IHO1: variants seen among roughly 807,000 people sequenced by gnomAD.
The protein encoded by IHO1 is interactor of HORMAD1 protein 1.
A neutral mutation model predicts 31.0 loss-of-function variants in IHO1; 13 were observed. The ratio of observed to expected loss-of-function variants is 0.42; its 90% CI spans 0.27 to 0.67. The LOEUF (loss-of-function observed/expected upper bound fraction) is 0.67, where lower values mean the gene tolerates loss of function less well. IHO1 is among the 30% of genes least tolerant of loss of function. The pLI, the probability that IHO1 is intolerant of heterozygous loss-of-function variation, is 0.24. For missense variants in IHO1, 599 were observed against 687.5 expected, an observed-to-expected ratio of 0.87 and a Z score of 1.44; for synonymous variants, 221 against 248.4, an observed-to-expected ratio of 0.89 and a Z score of 1.04.
At chr3:49,192,663 G>A in the IHO1 span, among the ~76,000 whole-genome samples, 91,444 of 151,980 alleles carry the variant, frequency 0.6, 28,883 homozygotes, top group East Asian at 0.95. Flanking sequence ...TTGGGAGGCC[G>A]AGGTGGGCAA....
chr3:49,202,109 C>T (rs922008202), intron 1 of IHO1, among the ~76,000 whole-genome samples: 4 of 151,874 alleles, frequency 2.6e-5, no homozygotes, highest in South Asian at 2.1e-4. Context: ...AATTATTGTC[C>T]TCAAAAGAGC....
the IHO1 span, chr3:49,191,810 T>G: frequency 2.1e-4 from 326 of 1,536,754 alleles, 1 homozygote; most frequent in East Asian, 6.5e-3. Context: ...ACTTTCCTCT[T>G]GTCTTTTGGA....
At chr3:49,226,697 A>C (rs2107706667) in intron 2 of IHO1, among the ~76,000 whole-genome samples, 1 of 152,318 alleles carries the variant, frequency 6.6e-6, no homozygotes, top group African/African-American at 2.4e-5. Flanking sequence ...CTGCAGCTAA[A>C]GCCGCATTCT....
upstream of IHO1, among the ~76,000 whole-genome samples, chr3:49,194,292 G>GTA (rs141683116): frequency 0.14 from 17,082 of 119,678 alleles, 1,199 homozygotes; most frequent in African/African-American, 0.17. Context: ...AGTACAAAGT[G>GTA]TATATATATA....
rs2046041609 is a variant in IHO1, at chr3:49,200,463, T to TA, written c.-16+890_-16+891insA. On this transcript the variant is annotated intron_variant, in intron 1 of 7. Transcript: ENST00000452691. ...CTGGGCGACAGAGTGAGACTCGGTC[T>TA]CAAAAAAAAAAAAAAGAAAGAAAGA... 1.1e-5 allele frequency: 2 copies of TA among 189,114 alleles called. 1 individual carries two copies. The highest frequency in any genetic ancestry group is 3.5e-3 in the Admixed American group (2 of 578). 11.7% of individuals were successfully genotyped at this position (189,114 alleles called of 1,614,324 possible). A position where few individuals can be genotyped will look rare whatever the true frequency, so the allele number is the denominator to read the frequency against.
intron 2 of IHO1, among the ~76,000 whole-genome samples, chr3:49,214,607 CATATATATAT>C (rs1311032715): frequency 4.0e-5 from 1 of 24,788 alleles, no homozygotes; most frequent in African/African-American, 1.5e-4. Context: ...ATTTCTAGAT[CATATATATAT>C]ATATATATAT....
At chr3:49,255,557 ACTT>A in intron 7 of IHO1, 64 bp downstream of exon 7, 13 of 898,958 alleles carry the variant, frequency 1.4e-5, no homozygotes, top group South Asian at 4.4e-5. Context: ...CCAGAGAGAA[ACTT>A]TTTTTTTTTT....
At chr3:49,242,266 C>T (rs1333646302) in intron 4 of IHO1, among the ~76,000 whole-genome samples, 6 of 151,944 alleles carry the variant, frequency 3.9e-5, no homozygotes, top group Non-Finnish European at 8.8e-5. Flanking sequence ...CAAGTAGCTT[C>T]GATCAGAGGC....
chr3:49,193,523 C>T (rs2045976930), upstream of IHO1, among the ~76,000 whole-genome samples: 1 of 151,084 alleles, frequency 6.6e-6, no homozygotes, highest in South Asian at 2.1e-4. Flanking sequence ...ATGGTGAAAC[C>T]CCATTTCTAC....
chr3:49,257,526 T>A lies in IHO1; in HGVS notation c.*244T>A. 1 of 443,990 alleles carries A rather than the reference T, an allele frequency of 2.3e-6. No homozygotes were observed. The highest frequency in any genetic ancestry group is 4.1e-6 in the Non-Finnish European group (1 of 245,710). The allele number at this position is 443,990 out of a possible 1,614,324, so 27.5% of individuals were successfully genotyped here. A position where few individuals can be genotyped will look rare whatever the true frequency, so the allele number is the denominator to read the frequency against. On this transcript the variant is annotated 3_prime_UTR_variant, in exon 8 of 8. Coordinates refer to ENST00000452691, the MANE Select transcript of IHO1 (RefSeq NM_001135197.2). ...ATGTGAAAATGGTGCTGATGAAAAC[T>A]GAGGCAGCAGCCTGGTTGTGGGGCA...
the IHO1 span, among the ~76,000 whole-genome samples, chr3:49,192,669 G>A: frequency 6.6e-6 from 1 of 152,104 alleles, no homozygotes; most frequent in Non-Finnish European, 1.5e-5. Flanking sequence ...GGCCGAGGTG[G>A]GCAAATCGCT....
At position 49,236,707 on chromosome 3, in the gene IHO1, A is replaced by G; in HGVS notation, c.216A>G (p.Gln72=). The G allele has an allele frequency of 6.2e-7, 1 of 1,613,326 alleles. No individual in the cohort carries two copies. The highest frequency in any genetic ancestry group is 8.5e-7 in the Non-Finnish European group (1 of 1,179,800). ...ACTTGAGACATTCAAAACAGTCACA[A>G]CAGAACTATCTGGAGGTGAGTCTGG... ...GAHLRHSKQS[Q]QNYLEGEPSI... The change falls in exon 3 of 8, where the codon CAA becomes CAG. Residue 72 remains glutamine (Q), a synonymous_variant. Transcript: ENST00000452691.
chr3:49,205,540 C>G (rs1042429207), intron 1 of IHO1, among the ~76,000 whole-genome samples: 1 of 150,988 alleles, frequency 6.6e-6, no homozygotes. Context: ...AGGCTGGTCT[C>G]GAATTGCTGA....
In IHO1 at chr3:49,211,770, A is replaced by G; in HGVS notation, c.-11A>G. The G allele has an allele frequency of 7.0e-7, 1 of 1,420,426 alleles. No homozygotes were observed. 88.0% of individuals were successfully genotyped at this position (1,420,426 alleles called of 1,614,324 possible). On this transcript the variant is annotated 5_prime_UTR_variant, in exon 2 of 8. The change creates a new upstream start codon in the 5' untranslated region. Coordinates refer to ENST00000452691, the MANE Select transcript of IHO1 (RefSeq NM_001135197.2). Reference sequence around the variant, plus strand: ...TTCACCTATTCTTTCTAATAGGTATAACTATAAGAAATGAATTTTAATGTC... The same window carrying G: ...TTCACCTATTCTTTCTAATAGGTATGACTATAAGAAATGAATTTTAATGTC...
At chr3:49,199,470 A>G (rs1193485827), upstream of IHO1, 1 of 151,018 alleles carries the variant, frequency 6.6e-6, no homozygotes. Flanking sequence ...TCAGAAGAGG[A>G]CCTGGGGGCG....
intron 1 of IHO1, among the ~76,000 whole-genome samples, chr3:49,210,653 C>T (rs560927877): frequency 6.6e-6 from 1 of 151,062 alleles, no homozygotes; most frequent in Admixed American, 6.6e-5. Context: ...CCTGCCTCTG[C>T]TTCCCAAAGT....
chr3:49,213,782 G>A (rs746825052), intron 2 of IHO1: 7 of 170,690 alleles, frequency 4.1e-5, no homozygotes, highest in Non-Finnish European at 7.8e-5. Context: ...GAGCTGGCCC[G>A]CAAGTGCATG....
At chr3:49,219,244 C>T (rs1361993919) in intron 2 of IHO1, among the ~76,000 whole-genome samples, 3 of 152,174 alleles carry the variant, frequency 2.0e-5, no homozygotes, top group Non-Finnish European at 2.9e-5. Flanking sequence ...TTGACGCCCA[C>T]GCTGAAGGTG....
At chr3:49,233,506 A>G (rs1435991280) in intron 2 of IHO1, among the ~76,000 whole-genome samples, 1 of 152,252 alleles carries the variant, frequency 6.6e-6, no homozygotes, top group African/African-American at 2.4e-5. Flanking sequence ...ATTAGCAGCT[A>G]TTAACCCATT....
Sources: allele counts gnomAD v4.1 joint callset (sites outside exome capture counted in the v4.1 genomes callset), GRCh38; gene constraint gnomAD v4.1.1; transcripts MANE v1.5; gene names NCBI Gene and HGNC (gene_info 2026-07-23, HGNC 2026-07-21).